The following CCDC66 variants were observed in gnomAD, a reference collection of about 807,000 sequenced individuals.
CCDC66 encodes the protein coiled-coil domain containing 66.
CCDC66 carries 133 observed loss-of-function variants against 128.3 expected under a neutral mutation model. The observed-to-expected ratio is 1.04, with a 90% CI of 0.90 to 1.20. The LOEUF (loss-of-function observed/expected upper bound fraction) is 1.20. Ranked by LOEUF, CCDC66 falls within the 50% of genes most tolerant of loss-of-function variation. The probability of loss-of-function intolerance (pLI) is 0.00; values close to 1 mark genes in which losing one functional copy is unlikely to be tolerated. For synonymous variants in CCDC66, 387 were observed against 357.0 expected, an observed-to-expected ratio of 1.08 and a Z score of -0.95; for missense variants, 1,126 against 1,075.5, an observed-to-expected ratio of 1.05 and a Z score of -0.66.
intron 7 of CCDC66, among the ~76,000 whole-genome samples, chr3:56,574,620 A>G (rs1332535232): frequency 6.6e-6 from 1 of 151,866 alleles, no homozygotes; most frequent in Non-Finnish European, 1.5e-5. Flanking sequence ...GTGTTAAAAC[A>G]TGAGGTAATG....
intron 10 of CCDC66, among the ~76,000 whole-genome samples, chr3:56,602,837 T>G (rs1243085562): frequency 1.4e-5 from 2 of 142,304 alleles, no homozygotes; most frequent in Non-Finnish European, 3.1e-5. Context: ...CTTTATCATT[T>G]TTTTTTTTTT....
rs1233156329 is a variant in CCDC66, at chr3:56,613,647, A to AAAGAAAGAAGG, written c.1469_1479dup (p.Gln494ArgfsTer11). ...AGGAAGAAACAACTGGAGGAAGAGC[A>AAAGAAAGAAGG]AAGAAAGAAGGAAGAACAAGAAGAG... On this transcript the variant is annotated frameshift_variant, in exon 11 of 18. Coordinates refer to ENST00000394672, the MANE Select transcript of CCDC66 (RefSeq NM_001141947.3). LOFTEE classifies it high-confidence loss of function. The AAAGAAAGAAGG allele has an allele frequency of 1.2e-6, 2 of 1,613,964 alleles. No homozygotes were observed. The highest frequency in any genetic ancestry group is 2.7e-5 in the African/African-American group (2 of 74,936).
chr3:56,619,439 T>C lies in CCDC66; in HGVS notation c.2547T>C (p.Tyr849=), dbSNP rs138121210. The change falls in exon 16 of 18, where the codon TAT becomes TAC. Residue 849 remains tyrosine (Y), a synonymous_variant. Transcript: ENST00000394672. The part of the protein sequence containing the change: ...GISESSHFIP[Y]VRTNEIYYLD... The stretch of plus-strand genomic sequence containing the variant: ...CTGAATCATCCCATTTTATTCCGTA[T>C]GTTCGAACAAATGAGATCTATTACC... 2.2e-4 allele frequency: 357 copies of C among 1,614,124 alleles called. No individual in the cohort carries two copies. The highest frequency in any genetic ancestry group is 9.9e-4 in the Middle Eastern group (6 of 6,060).
chr3:56,598,389 T>C (rs1042401185), intron 10 of CCDC66, among the ~76,000 whole-genome samples: 1 of 151,778 alleles, frequency 6.6e-6, no homozygotes. Flanking sequence ...TTATTTATTT[T>C]CTAATTTAGG....
chr3:56,602,110 A>G (rs112415184), intron 10 of CCDC66, among the ~76,000 whole-genome samples: 2,050 of 152,142 alleles, frequency 0.013, 63 homozygotes, highest in African/African-American at 0.046. Context: ...TGGGTTTGTC[A>G]TAAGTAGCTC....
At chr3:56,597,929 C>T (rs542113472) in intron 10 of CCDC66, among the ~76,000 whole-genome samples, 22 of 151,280 alleles carry the variant, frequency 1.5e-4, no homozygotes, top group Admixed American at 5.9e-4. Flanking sequence ...CATGTGCCAC[C>T]GCACCTTGTA....
In CCDC66 at chr3:56,566,773, A is replaced by C. The variant is rs770290829; in HGVS notation, c.710+14A>C. On this transcript the variant is annotated intron_variant, in intron 5 of 17. Coordinates refer to ENST00000394672, the MANE Select transcript of CCDC66 (RefSeq NM_001141947.3). ...AAAAATTGCCATGTATGTAACTCCT[A>C]TCTGTTGTTATTGTGTGGTCATCTT... The C allele has an allele frequency of 6.2e-7, 1 of 1,601,808 alleles. No individual in the cohort carries two copies. Among genetic ancestry groups the C allele is most frequent in the South Asian group, 1.1e-5 (1 of 88,872 alleles).
In CCDC66 at chr3:56,619,881, G is replaced by C. The variant is rs761166978; in HGVS notation, c.2740G>C (p.Gly914Arg). Residue 914 changes from glycine to arginine, a missense_variant, in exon 17 of 18, where the codon GGA (glycine) becomes CGA (arginine). Physicochemically the swap from Gly to Arg is moderately radical, Grantham distance 125 (BLOSUM62 -2). Transcript: ENST00000394672. ...GGATCGACAGCAAGCAATCCTTAAGGGACTTTCAGAACTGAGACAGGTATG... is the reference window on the plus strand; with the variant it reads ...GGATCGACAGCAAGCAATCCTTAAGCGACTTTCAGAACTGAGACAGGTATG... ...NRDRQQAILK[G>R]LSELRQGLLQ... The C allele has an allele frequency of 6.2e-7, 1 of 1,613,878 alleles. No individual in the cohort carries two copies. Among genetic ancestry groups the C allele is most frequent in the African/African-American group, 1.3e-5 (1 of 75,020 alleles).
At chr3:56,567,155 G>GCTTC in intron 6 of CCDC66, 102 bp downstream of exon 6, 1 of 768,920 alleles carries the variant, frequency 1.3e-6, no homozygotes, top group Non-Finnish European at 2.2e-6. Context: ...ACTTTGGGAA[G>GCTTC]CCGAGGTGGG....
In CCDC66 at chr3:56,557,260, A is replaced by T. The variant is rs970189675; in HGVS notation, c.11+7A>T. 1 of 1,549,322 alleles carries T rather than the reference A, an allele frequency of 6.5e-7. No homozygotes were observed. On this transcript the variant is annotated splice_region_variant and intron_variant, in intron 1 of 17. Transcript: ENST00000394672. ...GTCAGGCCATGAACTTGGGGTAAGCAGGGGTAAGCTGGGGTAAGCTGGGGT... is the reference window on the plus strand; with the variant it reads ...GTCAGGCCATGAACTTGGGGTAAGCTGGGGTAAGCTGGGGTAAGCTGGGGT...
intron 10 of CCDC66, among the ~76,000 whole-genome samples, chr3:56,595,490 CAT>C (rs1391278604): frequency 2.0e-5 from 3 of 152,170 alleles, no homozygotes; most frequent in Non-Finnish European, 4.4e-5. Context: ...TGAGTGGGAA[CAT>C]GTGATGTTTA....
Position 56,613,656 on chromosome 3 carries a change from A to T in CCDC66, c.1472A>T (p.Lys491Met), listed in dbSNP as rs776571183. The change falls in exon 11 of 18, where the codon AAG (lysine) becomes ATG (methionine). Residue 491 changes from lysine (K) to methionine (M), a missense_variant. Transcript: ENST00000394672. ...CAACTGGAGGAAGAGCAAAGAAAGA[A>T]GGAAGAACAAGAAGAGGAGCTTCGC... is the stretch of plus-strand genomic sequence containing the variant. ...KKQLEEEQRK[K>M]EEQEEELRLA... 36 of 1,613,996 alleles carry T rather than the reference A, an allele frequency of 2.2e-5. No individual in the cohort carries two copies. Among genetic ancestry groups the T allele is most frequent in the Non-Finnish European group, 3.4e-6 (4 of 1,179,962 alleles).
chr3:56,589,031 A>G lies in CCDC66; in HGVS notation c.937-3939A>G, dbSNP rs191757934. Among the ~76,000 whole-genome samples the G allele has an allele frequency of 2.8e-3, 432 of 152,322 alleles. 6 individuals are homozygous for G. Among genetic ancestry groups the G allele is most frequent in the African/African-American group, 0.01 (418 of 41,576 alleles). On this transcript the variant is annotated intron_variant, in intron 7 of 17. Coordinates refer to ENST00000394672, the MANE Select transcript of CCDC66 (RefSeq NM_001141947.3). ...ATTAGTAAAACTGGAAATACCTACA[A>G]TAAAATTAACAAAGCCAAAAGTTAA...
intron 7 of CCDC66, among the ~76,000 whole-genome samples, chr3:56,589,532 T>C (rs1395190728): frequency 2.6e-5 from 4 of 152,176 alleles, no homozygotes; most frequent in African/African-American, 9.7e-5. Flanking sequence ...GAAAGCAAGC[T>C]AGGTTTAACA....
At chr3:56,613,487 G>T in intron 10 of CCDC66, 102 bp from the exon 11 acceptor site, 8 of 1,356,006 alleles carry the variant, frequency 5.9e-6, no homozygotes, top group Non-Finnish European at 8.0e-6. Flanking sequence ...GTTCCCCTCT[G>T]TGGAAGAGGT....
intron 7 of CCDC66, among the ~76,000 whole-genome samples, chr3:56,579,589 C>T (rs2107996365): frequency 6.7e-6 from 1 of 149,542 alleles, no homozygotes; most frequent in Middle Eastern, 3.4e-3. Flanking sequence ...GAATGTGTCC[C>T]AGAGATTCTG....
rs1001877337 is a variant in CCDC66, at chr3:56,621,783, A to G, written c.*165A>G. 53 of 350,472 alleles carry G rather than the reference A, an allele frequency of 1.5e-4. No individual in the cohort carries two copies. The highest frequency in any genetic ancestry group is 1.1e-3 in the African/African-American group (53 of 46,904). 21.7% of individuals were successfully genotyped at this position (350,472 alleles called of 1,614,324 possible). The stretch of plus-strand genomic sequence containing the variant: ...TAAAATGCTGTACTTGTTCTATACA[A>G]TAAAACAGATACTTCTTTTGTAAAA... On this transcript the variant is annotated 3_prime_UTR_variant, in exon 18 of 18. Coordinates refer to ENST00000394672, the MANE Select transcript of CCDC66 (RefSeq NM_001141947.3).
Position 56,617,116 on chromosome 3 carries a change from C to T in CCDC66, c.1848C>T (p.Asp616=). 1.3e-6 allele frequency: 2 copies of T among 1,503,290 alleles called. No homozygotes were observed. The highest frequency in any genetic ancestry group is 1.4e-5 in the African/African-American group (1 of 70,304). 93.1% of individuals were successfully genotyped at this position (1,503,290 alleles called of 1,614,324 possible). ...SKKDTGVQTD[D]LNIGIFTNAE... ...TCATTTGCAACTTTTTTTTAGATGA[C>T]TTAAATATAGGAATATTCACCAATG... is the stretch of plus-strand genomic sequence containing the variant. Residue 616 remains aspartate, a synonymous_variant, in exon 14 of 18, where the codon GAC becomes GAT. Coordinates refer to ENST00000394672, the MANE Select transcript of CCDC66 (RefSeq NM_001141947.3).
intron 3 of CCDC66, among the ~76,000 whole-genome samples, chr3:56,562,428 G>C (rs984468462): frequency 6.6e-6 from 1 of 152,130 alleles, no homozygotes; most frequent in Admixed American, 6.5e-5. Context: ...AGGTTTATAG[G>C]AAGAGAAATG....
Sources: allele counts gnomAD v4.1 joint callset (sites outside exome capture counted in the v4.1 genomes callset), GRCh38; gene constraint gnomAD v4.1.1; transcripts MANE v1.5; gene names NCBI Gene and HGNC (gene_info 2026-07-23, HGNC 2026-07-21).